RALYL: variants seen among roughly 807,000 people sequenced by gnomAD.
RALYL encodes the protein RNA-binding Raly-like protein.
RALYL carries 29 observed loss-of-function variants against 35.1 expected under a neutral mutation model. The observed-to-expected ratio is 0.83, with a 90% CI of 0.61 to 1.13. The LOEUF is 1.13. RALYL is among the 50% of genes most tolerant of loss of function. The probability of loss-of-function intolerance (pLI) is 0.00; values close to 1 mark genes in which losing one functional copy is unlikely to be tolerated. For missense variants in RALYL, 359 were observed against 360.4 expected (o/e 1.00, Z 0.03); for synonymous variants, 120 against 127.6 (o/e 0.94, Z 0.40).
intron 1 of RALYL, among the ~76,000 whole-genome samples, chr8:84,249,998 A>G (rs1829868409): frequency 6.6e-6 from 1 of 152,024 alleles, no homozygotes; most frequent in Non-Finnish European, 1.5e-5. Flanking sequence ...TTATAAAAAT[A>G]TTGGTATGGG....
At chr8:84,671,182 C>A (rs985977624) in intron 2 of RALYL, among the ~76,000 whole-genome samples, 2 of 152,152 alleles carry the variant, frequency 1.3e-5, no homozygotes, top group East Asian at 3.9e-4. Context: ...CCATGTCTCA[C>A]ATCCAGGTCA....
At chr8:84,385,993 A>G (rs1320543922) in intron 1 of RALYL, among the ~76,000 whole-genome samples, 1 of 151,330 alleles carries the variant, frequency 6.6e-6, no homozygotes, top group African/African-American at 2.4e-5. Context: ...GACAACTTTC[A>G]CTCTGTCTCT....
chr8:84,339,650 T>C (rs891938580), intron 1 of RALYL, among the ~76,000 whole-genome samples: 2 of 151,926 alleles, frequency 1.3e-5, no homozygotes, highest in South Asian at 4.1e-4. Context: ...ACCCCCCAGT[T>C]TGTGGAAAAA....
At chr8:84,306,548 A>G (rs952769673) in intron 1 of RALYL, among the ~76,000 whole-genome samples, 5 of 152,084 alleles carry the variant, frequency 3.3e-5, no homozygotes, top group African/African-American at 4.8e-5. Context: ...CTTCAACTTC[A>G]GGAAAGTGCC....
intron 3 of RALYL, among the ~76,000 whole-genome samples, chr8:84,795,415 CATG>C (rs1821689578): frequency 1.3e-5 from 2 of 152,152 alleles, no homozygotes; most frequent in Non-Finnish European, 2.9e-5. Context: ...ATAAAATAGA[CATG>C]ATAATGATGT....
In RALYL at chr8:84,416,571, T is replaced by C. The variant is rs192040785; in HGVS notation, c.-23-112728T>C. Among the ~76,000 whole-genome samples the C allele has an allele frequency of 3.6e-3, 545 of 152,306 alleles. 5 individuals carry two copies. Among genetic ancestry groups the C allele is most frequent in the African/African-American group, 0.013 (520 of 41,552 alleles). On this transcript the variant is annotated intron_variant, in intron 1 of 8. Coordinates refer to ENST00000521268, the MANE Select transcript of RALYL (RefSeq NM_173848.7). ...CATTTTTACAAGTATTTGAAACCTT[T>C]TTTTTTCATGTGTAAATGTGGGATT...
chr8:84,594,969 A>G (rs1814140811), intron 2 of RALYL, among the ~76,000 whole-genome samples: 1 of 152,078 alleles, frequency 6.6e-6, no homozygotes, highest in Non-Finnish European at 1.5e-5. Context: ...TATCATTGAC[A>G]GGTTGGAGTA....
At chr8:84,775,807 A>G (rs1407825607) in intron 3 of RALYL, among the ~76,000 whole-genome samples, 1 of 152,204 alleles carries the variant, frequency 6.6e-6, no homozygotes, top group South Asian at 2.1e-4. Flanking sequence ...AAGAACAGCC[A>G]CTTCTGAAAA....
chr8:84,550,504 T>C (rs2135418191), intron 2 of RALYL, among the ~76,000 whole-genome samples: 1 of 152,098 alleles, frequency 6.6e-6, no homozygotes, highest in South Asian at 2.1e-4. Flanking sequence ...TACCATATTT[T>C]TCTTTAACTA....
chr8:84,319,565 A>G lies in RALYL; in HGVS notation c.-24+135141A>G, dbSNP rs575103793. The stretch of plus-strand genomic sequence containing the variant: ...TAAGTTCTTGTTAAAGTTATTGCAG[A>G]TACCAGATGATACGCTCAAAGAACT... On this transcript the variant is annotated intron_variant, in intron 1 of 8. Transcript: ENST00000521268. 4.6e-5 allele frequency among the ~76,000 whole-genome samples: 7 copies of G among 152,246 alleles called. No homozygotes were observed. The South Asian group carries it at 8.3e-4, about 18-fold the overall frequency.
At chr8:84,638,971 C>CAG (rs1554758656) in intron 2 of RALYL, among the ~76,000 whole-genome samples, 1 of 122,104 alleles carries the variant, frequency 8.2e-6, no homozygotes. Flanking sequence ...CACAGACACA[C>CAG]ACACACACAC....
At chr8:84,728,326 T>G (rs978277713) in intron 2 of RALYL, among the ~76,000 whole-genome samples, 1 of 152,166 alleles carries the variant, frequency 6.6e-6, no homozygotes, top group Non-Finnish European at 1.5e-5. Context: ...GGGTTGTTTC[T>G]TTTTCTCTTG....
Position 84,377,466 on chromosome 8 carries a change from T to G in RALYL, c.-23-151833T>G, listed in dbSNP as rs1402701066. Among the ~76,000 whole-genome samples, 556 of 147,762 alleles carry G rather than the reference T, an allele frequency of 3.8e-3. 9 individuals are homozygous for G. The highest frequency in any genetic ancestry group is 0.014 in the African/African-American group (536 of 39,416). ...AAGGTTAACTGTTTTTTTTTTTTTT[T>G]TTTTTTTTTCTTAAACTGATCCCAT... On this transcript the variant is annotated intron_variant, in intron 1 of 8. Transcript: ENST00000521268.
rs1235963529 is a variant in RALYL at position 84,847,694 on chromosome 8, G to T, written c.366-2286G>T. Among the ~76,000 whole-genome samples the T allele has an allele frequency of 2.0e-5, 3 of 152,182 alleles. No individual in the cohort carries two copies. In the East Asian group the frequency reaches 5.8e-4, roughly 29 times the overall value. Reference sequence around the variant, plus strand: ...AATAATCCATGACTGCCAGACAAAAGTGGCTATTTCCTTCTTACACTTTAG... The same window carrying T: ...AATAATCCATGACTGCCAGACAAAATTGGCTATTTCCTTCTTACACTTTAG... On this transcript the variant is annotated intron_variant, in intron 4 of 8. Transcript: ENST00000521268.
chr8:84,402,485 G>A (rs982901623), intron 1 of RALYL, among the ~76,000 whole-genome samples: 1 of 152,008 alleles, frequency 6.6e-6, no homozygotes, highest in Non-Finnish European at 1.5e-5. Context: ...AAAAATTAAA[G>A]ACCGTCTACA....
intron 1 of RALYL, among the ~76,000 whole-genome samples, chr8:84,388,125 G>A (rs1859675463): frequency 6.6e-6 from 1 of 152,032 alleles, no homozygotes; most frequent in African/African-American, 2.4e-5. Context: ...AGTTTACTGA[G>A]AATGATGATT....
At chr8:84,688,048 A>T (rs1033362188) in intron 2 of RALYL, among the ~76,000 whole-genome samples, 3 of 152,070 alleles carry the variant, frequency 2.0e-5, no homozygotes. Context: ...ATGGACACTC[A>T]AAGTATTTCA....
intron 1 of RALYL, among the ~76,000 whole-genome samples, chr8:84,452,352 T>A (rs2049587221): frequency 6.6e-6 from 1 of 151,898 alleles, no homozygotes; most frequent in Admixed American, 6.6e-5. Context: ...CTTGTTTTAA[T>A]ACTATTTATA....
chr8:84,533,297 C>T (rs1159973486), intron 2 of RALYL, among the ~76,000 whole-genome samples: 1 of 152,046 alleles, frequency 6.6e-6, no homozygotes, highest in Non-Finnish European at 1.5e-5. Flanking sequence ...TCCTCAAACA[C>T]ATTATATGCG....
Sources: gnomAD v4.1 joint callset for allele counts (sites outside exome capture counted in the v4.1 genomes callset) on GRCh38, gnomAD v4.1.1 for gene constraint, MANE v1.5 for transcripts, NCBI Gene and HGNC (gene_info 2026-07-23, HGNC 2026-07-21) for gene names.